CCDC174: variants seen among roughly 807,000 people sequenced by gnomAD.
CCDC174 encodes coiled-coil domain containing 174, also known as coiled-coil domain-containing protein 174.
In CCDC174, 37 loss-of-function variants were observed where a neutral mutation model predicts 57.1. That is an observed-to-expected ratio of 0.65 (90% confidence interval 0.50 to 0.85). CCDC174 has a LOEUF of 0.85. CCDC174 is among the 40% of genes least tolerant of loss of function. The probability of loss-of-function intolerance (pLI) is 0.00; values close to 1 mark genes in which losing one functional copy is unlikely to be tolerated. For synonymous variants in CCDC174, 182 were observed against 190.2 expected (o/e 0.96, Z 0.35); for missense variants, 540 against 574.3 (o/e 0.94, Z 0.61).
At chr3:14,657,316 T>C (rs1052619987) in intron 3 of CCDC174, among the ~76,000 whole-genome samples, 6 of 152,060 alleles carry the variant, frequency 3.9e-5, no homozygotes, top group African/African-American at 1.4e-4. Flanking sequence ...GCAAGTTAGT[T>C]ATCTGTTAAG....
At chr3:14,667,985 T>C in intron 8 of CCDC174, 64 bp from the exon 9 acceptor site, 2 of 1,504,692 alleles carry the variant, frequency 1.3e-6, no homozygotes, top group Non-Finnish European at 1.8e-6. Flanking sequence ...GAAAATTTCA[T>C]CTTTTTGGAC....
At chr3:14,669,819 A>G (rs2031455538) in intron 9 of CCDC174, 115 bp from the exon 10 acceptor site, 1 of 954,792 alleles carries the variant, frequency 1.0e-6, no homozygotes, top group South Asian at 1.6e-5. Context: ...GGGACATGTT[A>G]GGTACTTCAT....
At position 14,671,561 on chromosome 3, in the gene CCDC174, G is replaced by T. The variant is rs964008170; in HGVS notation, c.*367G>T. 6.3e-5 allele frequency: 11 copies of T among 173,812 alleles called. No individual in the cohort carries two copies. The highest frequency in any genetic ancestry group is 9.7e-5 in the Non-Finnish European group (8 of 82,546). 10.8% of individuals were successfully genotyped at this position (173,812 alleles called of 1,614,324 possible). On this transcript the variant is annotated 3_prime_UTR_variant, in exon 11 of 11. Coordinates refer to ENST00000383794, the MANE Select transcript of CCDC174 (RefSeq NM_016474.5). ...TCCTTTTGCAAATCCGAGCATGCAG[G>T]TGTCTTTATTCCAAGGGTTCAGCTT... is the stretch of plus-strand genomic sequence containing the variant.
intron 2 of CCDC174, among the ~76,000 whole-genome samples, 170 bp from the exon 3 acceptor site, chr3:14,655,359 C>A (rs1355019556): frequency 6.6e-6 from 1 of 151,216 alleles, no homozygotes; most frequent in Non-Finnish European, 1.5e-5. Context: ...CTTTTTTTAG[C>A]TCCTGCTTGC....
chr3:14,652,014 C>T (rs956782295), intron 1 of CCDC174, 136 bp downstream of exon 1: 88 of 850,138 alleles, frequency 1.0e-4, no homozygotes, highest in Non-Finnish European at 2.7e-5. Context: ...AACCCCCGAA[C>T]TGGATTTTCT....
intron 10 of CCDC174, 72 bp downstream of exon 10, chr3:14,670,158 TG>T (rs2031466162): frequency 2.0e-6 from 3 of 1,482,904 alleles, no homozygotes; most frequent in Non-Finnish European, 2.7e-6. Context: ...TAGAAGCACT[TG>T]GGGTAAGTTT....
chr3:14,660,844 A>G (rs17040040), intron 4 of CCDC174, among the ~76,000 whole-genome samples: 19,880 of 152,262 alleles, frequency 0.13, 1,452 homozygotes, highest in African/African-American at 0.16. Flanking sequence ...TTAGGTATAC[A>G]TTATTTGTGC....
intron 5 of CCDC174, among the ~76,000 whole-genome samples, chr3:14,663,871 G>C (rs2031231411): frequency 1.3e-5 from 2 of 152,230 alleles, no homozygotes; most frequent in African/African-American, 4.8e-5. Context: ...GGTGAAGGAA[G>C]ACGCTCTGCA....
At chr3:14,654,924 G>A (rs146515714) in intron 2 of CCDC174, among the ~76,000 whole-genome samples, 1 of 152,320 alleles carries the variant, frequency 6.6e-6, no homozygotes, top group East Asian at 1.9e-4. Context: ...TCTACTATTT[G>A]TATTACTAAT....
At chr3:14,663,629 G>A (rs752358776) in intron 5 of CCDC174, among the ~76,000 whole-genome samples, 2 of 152,170 alleles carry the variant, frequency 1.3e-5, no homozygotes, top group African/African-American at 4.8e-5. Context: ...AGATGGAGCC[G>A]TGGCTGACTA....
chr3:14,662,095 A>G (rs2031159818), intron 5 of CCDC174, among the ~76,000 whole-genome samples: 2 of 152,216 alleles, frequency 1.3e-5, no homozygotes. Context: ...TTGTTCTGAC[A>G]TGGTGGAGAG....
At chr3:14,658,324 G>A (rs2124834422) in intron 3 of CCDC174, among the ~76,000 whole-genome samples, 1 of 152,362 alleles carries the variant, frequency 6.6e-6, no homozygotes, top group Non-Finnish European at 1.5e-5. Flanking sequence ...TTGTGATTAA[G>A]AGTGGTCATT....
chr3:14,656,064 TAC>T (rs914899500), intron 3 of CCDC174, among the ~76,000 whole-genome samples: 1 of 152,056 alleles, frequency 6.6e-6, no homozygotes, highest in East Asian at 1.9e-4. Context: ...CTCTCTCTCT[TAC>T]ACACACACAC....
chr3:14,669,851 C>A, intron 9 of CCDC174, 83 bp from the exon 10 acceptor site: 1 of 1,410,260 alleles, frequency 7.1e-7, no homozygotes, highest in Non-Finnish European at 9.8e-7. Flanking sequence ...GTTACTTTTA[C>A]TTTCAGGATT....
chr3:14,670,700 T>C (rs1013813464), intron 10 of CCDC174, among the ~76,000 whole-genome samples, 196 bp from the exon 11 acceptor site: 3 of 152,230 alleles, frequency 2.0e-5, no homozygotes, highest in African/African-American at 7.2e-5. Context: ...AGTCACTCCC[T>C]TTTCTTAGCC....
At chr3:14,666,671 T>G in intron 6 of CCDC174, 134 bp from the exon 7 acceptor site, 1 of 641,580 alleles carries the variant, frequency 1.6e-6, no homozygotes, top group Non-Finnish European at 2.5e-6. Flanking sequence ...AGCAGTCTTG[T>G]GGGTCAGAAG....
In CCDC174 at chr3:14,670,079, C is replaced by T. The variant is rs139954564; in HGVS notation, c.1098C>T (p.Arg366=). Residue 366 remains arginine (R), a synonymous_variant, in exon 10 of 11, where the codon CGC becomes CGT. Coordinates refer to ENST00000383794, the MANE Select transcript of CCDC174 (RefSeq NM_016474.5). ...PGVPHIREWD[R]GKEFSFGYWS... The stretch of plus-strand genomic sequence containing the variant: ...TGCCACACATCCGGGAGTGGGACCG[C>T]GGAAAAGGTAAGGGAGGTGGGCTCT... 1.7e-4 allele frequency: 266 copies of T among 1,608,594 alleles called. No individual in the cohort carries two copies. Among genetic ancestry groups the T allele is most frequent in the Middle Eastern group, 1.2e-3 (7 of 6,046 alleles).
intron 5 of CCDC174, 98 bp downstream of exon 5, chr3:14,661,805 TATTC>T: frequency 9.2e-7 from 1 of 1,082,952 alleles, no homozygotes; most frequent in Non-Finnish European, 1.3e-6. Flanking sequence ...CATTTCTCTT[TATTC>T]TTCCTGGGTG....
rs2030932231 is a variant in CCDC174 at position 14,655,602 on chromosome 3, A to G, written c.221A>G (p.Glu74Gly). 6.2e-7 allele frequency: 1 copy of G among 1,609,796 alleles called. No individual in the cohort carries two copies. The highest frequency in any genetic ancestry group is 8.5e-7 in the Non-Finnish European group (1 of 1,177,318). ...RAEKDAEQKIEEQKTLDKARE... is the reference protein window; with the variant it reads ...RAEKDAEQKIGEQKTLDKARE... The stretch of plus-strand genomic sequence containing the variant: ...GAGAAGGATGCTGAACAGAAGATTG[A>G]AGAACAGAAGACTTTAGACAAAGCA... The change falls in exon 3 of 11, where the codon GAA becomes GGA. Residue 74 changes from glutamate (E) to glycine (G), a missense_variant. Glu to Gly is a moderately conservative substitution (Grantham distance 98). Coordinates refer to ENST00000383794, the MANE Select transcript of CCDC174 (RefSeq NM_016474.5).
Sources: gnomAD v4.1 joint callset for allele counts (sites outside exome capture counted in the v4.1 genomes callset) on GRCh38, gnomAD v4.1.1 for gene constraint, MANE v1.5 for transcripts, NCBI Gene and HGNC (gene_info 2026-07-23, HGNC 2026-07-21) for gene names.